LPAR1: variants seen among roughly 807,000 people sequenced by gnomAD.
LPAR1 encodes lysophosphatidic acid receptor 1.
Under a neutral mutation model 23.8 loss-of-function variants are expected in LPAR1, and 5 were observed. That is an observed-to-expected ratio of 0.21 (90% CI 0.11 to 0.44). LPAR1 has a LOEUF of 0.44. LPAR1 is among the 20% of genes least tolerant of loss of function. The pLI is 0.99. For synonymous variants in LPAR1, 160 were observed against 164.7 expected (o/e 0.97, Z 0.22); for missense variants, 311 against 482.8 (o/e 0.64, Z 3.33).
chr9:110,937,662 TA>T (rs1422555587), intron 5 of LPAR1, among the ~76,000 whole-genome samples: 1 of 152,232 alleles, frequency 6.6e-6, no homozygotes, highest in African/African-American at 2.4e-5. Context: ...AGCAGCTTAA[TA>T]CAAGATCATG....
At chr9:111,010,953 T>C (rs2097320197) in intron 2 of LPAR1, among the ~76,000 whole-genome samples, 2 of 152,208 alleles carry the variant, frequency 1.3e-5, no homozygotes, top group Non-Finnish European at 2.9e-5. Context: ...GATTCTGCAG[T>C]GCTTTCCAAA....
chr9:111,020,471 T>C (rs1180148780), intron 2 of LPAR1, among the ~76,000 whole-genome samples: 1 of 152,236 alleles, frequency 6.6e-6, no homozygotes, highest in Non-Finnish European at 1.5e-5. Context: ...GTTCAACTGA[T>C]GCTTCCAACT....
chr9:111,025,013 T>A (rs1030781031), intron 2 of LPAR1, among the ~76,000 whole-genome samples: 3 of 152,216 alleles, frequency 2.0e-5, no homozygotes, highest in Non-Finnish European at 4.4e-5. Flanking sequence ...TAAACATACG[T>A]GTGCATGTGT....
intron 2 of LPAR1, among the ~76,000 whole-genome samples, chr9:111,022,905 T>C (rs1193314305): frequency 1.3e-5 from 2 of 151,854 alleles, no homozygotes; most frequent in African/African-American, 4.8e-5. Context: ...AAAAAAAAAT[T>C]AGCCGGGCAT....
rs572616725 is a variant in LPAR1 at position 110,998,541 on chromosome 9, CAT to C, written c.-181-24985_-181-24984del. 2.8e-3 allele frequency among the ~76,000 whole-genome samples: 424 copies of C among 152,308 alleles called. 2 individuals are homozygous for C. The highest frequency in any genetic ancestry group is 3.2e-3 in the Non-Finnish European group (221 of 68,038). ...ATCCTGGACATTAAAAATACACACA[CAT>C]GTTTAATGAAACTCCTAAGAGCATG... On this transcript the variant is annotated intron_variant, in intron 2 of 5. Coordinates refer to ENST00000683809, the MANE Select transcript of LPAR1 (RefSeq NM_001351411.2).
At chr9:111,004,150 C>T (rs2097174917) in intron 2 of LPAR1, among the ~76,000 whole-genome samples, 1 of 152,188 alleles carries the variant, frequency 6.6e-6, no homozygotes, top group Non-Finnish European at 1.5e-5. Flanking sequence ...CAGTGATAGT[C>T]ACCGTCACCA....
chr9:110,974,710 C>T (rs1056330243), intron 2 of LPAR1, among the ~76,000 whole-genome samples: 2 of 152,196 alleles, frequency 1.3e-5, no homozygotes, highest in Admixed American at 1.3e-4. Flanking sequence ...TACTGATATT[C>T]TCCTTAGTCC....
intron 2 of LPAR1, among the ~76,000 whole-genome samples, chr9:110,973,794 T>A (rs1012450388): frequency 6.6e-5 from 10 of 152,236 alleles, no homozygotes; most frequent in African/African-American, 2.4e-4. Flanking sequence ...GAAAATAATT[T>A]TTAAAAATTC....
rs935764903 is a variant in LPAR1 at position 110,978,037 on chromosome 9, G to A, written c.-181-4479C>T. Among the ~76,000 whole-genome samples, 4 of 152,124 alleles carry A rather than the reference G, an allele frequency of 2.6e-5. 1 individual carries two copies. The highest frequency in any genetic ancestry group is 5.9e-5 in the Non-Finnish European group (4 of 68,004). ...ATAGAACACATTGTGGTTCAGAAAA[G>A]GGGAAGATTCTAGAATCAGAGCAAA... is the stretch of plus-strand genomic sequence containing the variant. On this transcript the variant is annotated intron_variant, in intron 2 of 5. Transcript: ENST00000683809.
rs936509759 is a variant in LPAR1, at chr9:111,038,322, C to T, written c.-417G>A. 7.3e-5 allele frequency: 11 copies of T among 150,212 alleles called. No homozygotes were observed. Among genetic ancestry groups the T allele is most frequent in the African/African-American group, 2.7e-4 (11 of 41,252 alleles). The allele number at this position is 150,212 out of a possible 1,614,324, so 9.3% of individuals were successfully genotyped here. On this transcript the variant is annotated 5_prime_UTR_variant, in exon 1 of 6. Coordinates refer to ENST00000683809, the MANE Select transcript of LPAR1 (RefSeq NM_001351411.2). This position sits in a 1 kb window ranked among gnomAD's most constrained non-coding sequence, Gnocchi z 4.4. Reference sequence around the variant, plus strand: ...CCAGAGCGGGGCCGCCCCCTGCGCCCACCCCGCCGGGGTCCCGTGCTCGGC... The same window carrying T: ...CCAGAGCGGGGCCGCCCCCTGCGCCTACCCCGCCGGGGTCCCGTGCTCGGC...
At chr9:110,946,514 T>C (rs1359584306) in intron 4 of LPAR1, among the ~76,000 whole-genome samples, 1 of 152,122 alleles carries the variant, frequency 6.6e-6, no homozygotes, top group Non-Finnish European at 1.5e-5. Flanking sequence ...CAGAGAAATT[T>C]TTTGAGATAC....
At position 110,942,106 on chromosome 9, in the gene LPAR1, T is replaced by A. The variant is rs764494647; in HGVS notation, c.108A>T (p.Arg36=). 6.2e-7 allele frequency: 1 copy of A among 1,614,114 alleles called. No individual in the cohort carries two copies. The highest frequency in any genetic ancestry group is 1.1e-5 in the South Asian group (1 of 91,070). ...YNESIAFFYN[R]SGKHLATEWN... ...ATTCTGTGGCAAGATGCTTTCCACT[T>A]CGGTTATAAAAGAAGGCAATGGACT... Residue 36 remains arginine, a synonymous_variant, in exon 5 of 6, where the codon CGA becomes CGT. Transcript: ENST00000683809.
Position 110,972,082 on chromosome 9 carries a change from T to C in LPAR1, c.36A>G (p.Ser12=), listed in dbSNP as rs1390222546. The C allele has an allele frequency of 3.1e-6, 5 of 1,613,784 alleles. No homozygotes were observed. The highest frequency in any genetic ancestry group is 4.2e-6 in the Non-Finnish European group (5 of 1,179,862). Residue 12 remains serine, a synonymous_variant, in exon 4 of 6, where the codon TCA becomes TCG. Coordinates refer to ENST00000683809, the MANE Select transcript of LPAR1 (RefSeq NM_001351411.2). Reference sequence around the variant, plus strand: ...AGTTTGAAGCCCTTACCTGGGGCTGTGAAATTACAGGGATGGAAGTAGAGA... The same window carrying C: ...AGTTTGAAGCCCTTACCTGGGGCTGCGAAATTACAGGGATGGAAGTAGAGA... ...AAISTSIPVI[S]QPQFTAMNEP...
intron 4 of LPAR1, among the ~76,000 whole-genome samples, chr9:110,950,411 G>A (rs1027492613): frequency 1.3e-5 from 2 of 150,292 alleles, no homozygotes; most frequent in African/African-American, 4.9e-5. Context: ...GTTGCAGTGA[G>A]CGGAGATAGC....
At chr9:110,998,906 A>G (rs2097075172) in intron 2 of LPAR1, among the ~76,000 whole-genome samples, 1 of 152,204 alleles carries the variant, frequency 6.6e-6, no homozygotes, top group South Asian at 2.1e-4. Context: ...AAGAAGGCAT[A>G]AGGATGTGGA....
In LPAR1 at chr9:110,949,635, T is replaced by C. The variant is rs2136540844; in HGVS notation, c.46-7467A>G. 2.0e-5 allele frequency among the ~76,000 whole-genome samples: 3 copies of C among 152,268 alleles called. No homozygotes were observed. In the East Asian group the frequency reaches 5.8e-4, roughly 29 times the overall value. On this transcript the variant is annotated intron_variant, in intron 4 of 5. Transcript: ENST00000683809. ...TTTCCCAGTTTATTTGGTTACCCCATAAGAAGCCAGTAGAATCATCTTACA... is the reference window on the plus strand; with the variant it reads ...TTTCCCAGTTTATTTGGTTACCCCACAAGAAGCCAGTAGAATCATCTTACA...
intron 2 of LPAR1, among the ~76,000 whole-genome samples, chr9:111,031,904 A>T (rs1301977732): frequency 2.6e-5 from 4 of 152,218 alleles, no homozygotes; most frequent in Non-Finnish European, 5.9e-5. Flanking sequence ...CCTTGGAGAA[A>T]ATGTTCCTAA....
At chr9:111,037,231 A>G (rs1399036258) in intron 1 of LPAR1, among the ~76,000 whole-genome samples, 2 of 152,168 alleles carry the variant, frequency 1.3e-5, no homozygotes, top group East Asian at 3.9e-4. Context: ...CACATTTTCA[A>G]TATTTATGTT....
chr9:111,010,203 A>G (rs932509482), intron 2 of LPAR1, among the ~76,000 whole-genome samples: 2 of 152,014 alleles, frequency 1.3e-5, no homozygotes, highest in Non-Finnish European at 2.9e-5. Context: ...CTGCCTTTAA[A>G]TGTTAAAATT....
Sources: gnomAD v4.1 joint callset for allele counts (sites outside exome capture counted in the v4.1 genomes callset) on GRCh38, gnomAD v4.1.1 for gene constraint, Gnocchi (gnomAD v3.1) non-coding constraint, MANE v1.5 for transcripts, NCBI Gene and HGNC (gene_info 2026-07-23, HGNC 2026-07-21) for gene names.